Variants in SNTG1 observed in about 807,000 individuals in gnomAD.
SNTG1 encodes gamma-1-syntrophin.
A neutral mutation model predicts 74.7 loss-of-function variants in SNTG1; 39 were observed. The observed-to-expected ratio is 0.52, with a 90% confidence interval of 0.40 to 0.68. The LOEUF (loss-of-function observed/expected upper bound fraction) is 0.68. Among genes scored for constraint, SNTG1 ranks in the 30% least tolerant of loss-of-function variants. The pLI, the probability that SNTG1 is intolerant of heterozygous loss-of-function variation, is 0.00. For synonymous variants in SNTG1, 254 were observed against 217.1 expected, an observed-to-expected ratio of 1.17 and a Z score of -1.49; for missense variants, 685 against 609.5, an observed-to-expected ratio of 1.12 and a Z score of -1.30.
At chr8:50,713,257 G>A (rs1267335996) in intron 17 of SNTG1, among the ~76,000 whole-genome samples, 1 of 152,172 alleles carries the variant, frequency 6.6e-6, no homozygotes, top group Non-Finnish European at 1.5e-5. Context: ...GACCAGTGAT[G>A]ATGAGCTTTT....
At chr8:50,127,550 C>A (rs2081187053) in intron 1 of SNTG1, among the ~76,000 whole-genome samples, 2 of 152,226 alleles carry the variant, frequency 1.3e-5, no homozygotes, top group Admixed American at 6.5e-5. Context: ...CCTTTTAGAG[C>A]CAACTGCCTC....
At chr8:50,115,104 T>C (rs531190865) in intron 1 of SNTG1, among the ~76,000 whole-genome samples, 3 of 152,226 alleles carry the variant, frequency 2.0e-5, no homozygotes, top group Non-Finnish European at 4.4e-5. Context: ...GTGAATTTAA[T>C]TGGAAATATA....
chr8:50,154,566 G>T (rs183333782), intron 1 of SNTG1, among the ~76,000 whole-genome samples: 9 of 152,240 alleles, frequency 5.9e-5, no homozygotes, highest in Non-Finnish European at 1.2e-4. Context: ...AGAGGGCAAG[G>T]TATATGTTAC....
intron 18 of SNTG1, among the ~76,000 whole-genome samples, chr8:50,773,120 A>C (rs2095631517): frequency 6.6e-6 from 1 of 152,134 alleles, no homozygotes; most frequent in Non-Finnish European, 1.5e-5. Context: ...CCTTGTCATT[A>C]CTTGACCTCA....
At chr8:50,717,280 GTTT>G (rs1165689382) in intron 17 of SNTG1, among the ~76,000 whole-genome samples, 1 of 151,736 alleles carries the variant, frequency 6.6e-6, no homozygotes, top group Non-Finnish European at 1.5e-5. Flanking sequence ...CTGGATTAAT[GTTT>G]TTATGATTAA....
chr8:50,027,403 T>C (rs1297309684), intron 1 of SNTG1, among the ~76,000 whole-genome samples: 1 of 152,180 alleles, frequency 6.6e-6, no homozygotes, highest in Non-Finnish European at 1.5e-5. Context: ...CTTCCAAAAA[T>C]CTCTGTCTAC....
At chr8:50,508,049 C>G (rs954938712) in intron 9 of SNTG1, among the ~76,000 whole-genome samples, 1 of 151,118 alleles carries the variant, frequency 6.6e-6, no homozygotes, top group Non-Finnish European at 1.5e-5. Flanking sequence ...GATATATCTC[C>G]TAATGCTATC....
chr8:50,632,432 T>C (rs891917140), intron 13 of SNTG1, among the ~76,000 whole-genome samples: 4 of 152,008 alleles, frequency 2.6e-5, no homozygotes, highest in African/African-American at 9.7e-5. Flanking sequence ...TGTCTCAGAA[T>C]CCTGAGTAGT....
intron 2 of SNTG1, among the ~76,000 whole-genome samples, chr8:50,289,795 G>T (rs1004114594): frequency 1.3e-5 from 2 of 152,142 alleles, no homozygotes; most frequent in African/African-American, 4.8e-5. Context: ...GTGTTTGCTG[G>T]TGGTTACAGT....
intron 15 of SNTG1, among the ~76,000 whole-genome samples, chr8:50,668,252 A>T (rs997663038): frequency 2.0e-5 from 3 of 151,750 alleles, no homozygotes; most frequent in Non-Finnish European, 4.4e-5. Context: ...ACTCCCATAA[A>T]TTCCCCATCT....
At chr8:50,709,377 TG>T (rs33911197) in intron 17 of SNTG1, among the ~76,000 whole-genome samples, 8,146 of 152,252 alleles carry the variant, frequency 0.054, 577 homozygotes, top group African/African-American at 0.15. Flanking sequence ...GAAAACATGT[TG>T]TTTTTTTAAA....
At chr8:50,273,691 G>A (rs2087915828) in intron 2 of SNTG1, among the ~76,000 whole-genome samples, 7 of 152,158 alleles carry the variant, frequency 4.6e-5, no homozygotes, top group Admixed American at 4.6e-4. Flanking sequence ...TTTAAAGAAA[G>A]AGATAAGAGG....
chr8:50,551,587 G>A (rs1191708601), intron 11 of SNTG1, among the ~76,000 whole-genome samples: 2 of 152,128 alleles, frequency 1.3e-5, no homozygotes. Flanking sequence ...TTAAACTTCT[G>A]TCTGAATACT....
intron 1 of SNTG1, among the ~76,000 whole-genome samples, chr8:49,957,325 C>G (rs572036549): frequency 3.9e-5 from 6 of 152,198 alleles, no homozygotes; most frequent in Non-Finnish European, 8.8e-5. Flanking sequence ...TATGACAGTC[C>G]TACATAGAGT....
chr8:49,957,467 T>C (rs1810278944), intron 1 of SNTG1, among the ~76,000 whole-genome samples: 1 of 152,218 alleles, frequency 6.6e-6, no homozygotes, highest in Non-Finnish European at 1.5e-5. Context: ...CACTTGAAGT[T>C]GGTCTAGCCT....
intron 1 of SNTG1, among the ~76,000 whole-genome samples, chr8:49,927,614 G>A (rs536884965): frequency 1.6e-4 from 24 of 152,158 alleles, no homozygotes; most frequent in South Asian, 6.2e-4. Context: ...TTCTGGAAAA[G>A]GCAGAATTAT....
chr8:50,425,735 A>C (rs2093155619), intron 4 of SNTG1, among the ~76,000 whole-genome samples: 1 of 152,138 alleles, frequency 6.6e-6, no homozygotes, highest in Non-Finnish European at 1.5e-5. Flanking sequence ...ACAGATAAAA[A>C]TTAAGCATTA....
At chr8:50,599,623 AT>A (rs2094758082) in intron 13 of SNTG1, among the ~76,000 whole-genome samples, 1 of 151,574 alleles carries the variant, frequency 6.6e-6, no homozygotes, top group Non-Finnish European at 1.5e-5. Context: ...TTTTGATTTC[AT>A]TTTCAGATTG....
At chr8:50,009,437 T>C (rs1335378987) in intron 1 of SNTG1, among the ~76,000 whole-genome samples, 1 of 152,156 alleles carries the variant, frequency 6.6e-6, no homozygotes, top group African/African-American at 2.4e-5. Context: ...TTTTTCACCT[T>C]TCGTGTAAAT....
Sources: gnomAD v4.1 joint callset for allele counts (sites outside exome capture counted in the v4.1 genomes callset) on GRCh38, gnomAD v4.1.1 for gene constraint, MANE v1.5 for transcripts, NCBI Gene and HGNC (gene_info 2026-07-23, HGNC 2026-07-21) for gene names.